The following BICC1 variants were observed in gnomAD, a reference collection of about 807,000 sequenced individuals.
BICC1 encodes protein bicaudal C homolog 1.
In BICC1, 43 loss-of-function variants were observed where a neutral mutation model predicts 111.0. That is an observed-to-expected ratio of 0.39 (90% CI 0.30 to 0.50). The LOEUF is 0.50. BICC1 is among the 20% of genes least tolerant of loss of function. BICC1 has a pLI of 0.88. For missense variants in BICC1, 1,091 were observed against 1,203.2 expected (o/e 0.91, Z 1.38); for synonymous variants, 467 against 434.4 (o/e 1.07, Z -0.93).
chr10:58,829,819 TTAGATATTA>T lies in BICC1; in HGVS notation c.*931_*939del, dbSNP rs1844507055. 2 of 152,338 alleles carry T rather than the reference TTAGATATTA, an allele frequency of 1.3e-5. No individual in the cohort carries two copies. Among genetic ancestry groups the T allele is most frequent in the Admixed American group, 1.3e-4 (2 of 15,304 alleles). The allele number at this position is 152,338 out of a possible 1,614,324, so 9.4% of individuals were successfully genotyped here. A position where few individuals can be genotyped will look rare whatever the true frequency, so the allele number is the denominator to read the frequency against. ...ATTTATTTATATCAAACTTTTATTT[TTAGATATTA>T]TAAGCATACAGTACATAATTGATGA... On this transcript the variant is annotated 3_prime_UTR_variant, in exon 21 of 21. Coordinates refer to ENST00000373886, the MANE Select transcript of BICC1 (RefSeq NM_001080512.3).
At chr10:58,586,007 A>G (rs888739899) in intron 1 of BICC1, among the ~76,000 whole-genome samples, 2 of 152,210 alleles carry the variant, frequency 1.3e-5, no homozygotes, top group African/African-American at 4.8e-5. Flanking sequence ...TCCTCCAGCT[A>G]AACTTTATCA....
At chr10:58,604,674 C>T (rs1845152156) in intron 1 of BICC1, among the ~76,000 whole-genome samples, 1 of 152,100 alleles carries the variant, frequency 6.6e-6, no homozygotes, top group African/African-American at 2.4e-5. Flanking sequence ...TAAAATTAAG[C>T]AAAGCATAAT....
chr10:58,795,910 C>A (rs1843337667), intron 9 of BICC1, among the ~76,000 whole-genome samples: 1 of 152,006 alleles, frequency 6.6e-6, no homozygotes, highest in South Asian at 2.1e-4. Context: ...TATGTAATGA[C>A]AAGATGCAAG....
chr10:58,814,017 G>T, intron 18 of BICC1, 31 bp downstream of exon 18: 1 of 1,612,286 alleles, frequency 6.2e-7, no homozygotes, highest in Non-Finnish European at 8.5e-7. Flanking sequence ...ACACTTTTAG[G>T]TATCCCCAGA....
At chr10:58,780,300 C>T (rs1226152604) in intron 3 of BICC1, among the ~76,000 whole-genome samples, 6 of 152,138 alleles carry the variant, frequency 3.9e-5, no homozygotes, top group African/African-American at 1.4e-4. Flanking sequence ...AACAGAAGTA[C>T]AACTCTGATA....
intron 3 of BICC1, among the ~76,000 whole-genome samples, chr10:58,720,500 A>C (rs1363123184): frequency 6.6e-6 from 1 of 152,240 alleles, no homozygotes; most frequent in African/African-American, 2.4e-5. Context: ...TGCAAGTCAC[A>C]GCTAAGGAAA....
intron 3 of BICC1, among the ~76,000 whole-genome samples, chr10:58,747,979 G>T (rs1343511782): frequency 6.6e-6 from 1 of 152,208 alleles, no homozygotes; most frequent in Non-Finnish European, 1.5e-5. Flanking sequence ...GGCCTACAAA[G>T]CCTAAAATAT....
intron 2 of BICC1, among the ~76,000 whole-genome samples, chr10:58,683,782 G>A (rs546715845): frequency 1.3e-4 from 20 of 152,110 alleles, no homozygotes; most frequent in Admixed American, 2.0e-4. Flanking sequence ...GGGATGAGAC[G>A]ATATGGTTTT....
intron 1 of BICC1, among the ~76,000 whole-genome samples, chr10:58,518,599 G>A (rs1186720041): frequency 7.2e-6 from 1 of 139,552 alleles, no homozygotes; most frequent in Non-Finnish European, 1.6e-5. Context: ...TTGGGGGGGG[G>A]GGGGTGTGTT....
At chr10:58,721,165 T>A (rs994550039) in intron 3 of BICC1, among the ~76,000 whole-genome samples, 1 of 152,314 alleles carries the variant, frequency 6.6e-6, no homozygotes, top group African/African-American at 2.4e-5. Flanking sequence ...TGAAGCACAT[T>A]ATTTATGTCT....
At chr10:58,766,891 C>T (rs1039638911) in intron 3 of BICC1, among the ~76,000 whole-genome samples, 1 of 151,862 alleles carries the variant, frequency 6.6e-6, no homozygotes, top group African/African-American at 2.4e-5. Flanking sequence ...TTTTTTGACC[C>T]ACCGAGAACA....
At chr10:58,816,571 C>G (rs1276568348) in intron 18 of BICC1, among the ~76,000 whole-genome samples, 1 of 152,076 alleles carries the variant, frequency 6.6e-6, no homozygotes, top group African/African-American at 2.4e-5. Flanking sequence ...CATGGATCCC[C>G]AGAGTAGACT....
intron 1 of BICC1, among the ~76,000 whole-genome samples, 192 bp downstream of exon 1, chr10:58,513,525 C>G (rs960126438): frequency 1.1e-4 from 16 of 152,224 alleles, no homozygotes; most frequent in African/African-American, 3.4e-4. Flanking sequence ...TTCCACGCCT[C>G]TCAGATTTCC....
intron 1 of BICC1, among the ~76,000 whole-genome samples, chr10:58,513,557 A>G (rs1842157149): frequency 6.6e-6 from 1 of 152,154 alleles, no homozygotes; most frequent in African/African-American, 2.4e-5. Context: ...GCCCTGTGCG[A>G]ACTTGACTGG....
At chr10:58,687,575 A>C (rs7894726) in intron 2 of BICC1, among the ~76,000 whole-genome samples, 144,109 of 152,240 alleles carry the variant, frequency 0.95, 68,751 homozygotes, top group Middle Eastern at 1. Flanking sequence ...AATGGTAGAC[A>C]CCCCTTCCCC....
At chr10:58,712,866 T>C (rs1589051034) in intron 3 of BICC1, among the ~76,000 whole-genome samples, 2 of 152,282 alleles carry the variant, frequency 1.3e-5, no homozygotes, top group Non-Finnish European at 2.9e-5. Context: ...TGCCTGCGTA[T>C]AGAAAGCAGC....
At chr10:58,578,385 C>T (rs556430340) in intron 1 of BICC1, among the ~76,000 whole-genome samples, 7 of 152,106 alleles carry the variant, frequency 4.6e-5, no homozygotes, top group South Asian at 2.1e-4. Context: ...TCTTTTCCAA[C>T]GTCGGGCCCA....
At chr10:58,698,074 T>C (rs1326338133) in intron 2 of BICC1, among the ~76,000 whole-genome samples, 1 of 152,206 alleles carries the variant, frequency 6.6e-6, no homozygotes, top group Non-Finnish European at 1.5e-5. Context: ...GATCACATCC[T>C]AAGGAAAATT....
At chr10:58,636,596 C>T (rs1378785805) in intron 2 of BICC1, among the ~76,000 whole-genome samples, 1 of 151,934 alleles carries the variant, frequency 6.6e-6, no homozygotes, top group Non-Finnish European at 1.5e-5. Context: ...TCCTCCTCCT[C>T]CTCCTTCTCC....
Sources: allele counts gnomAD v4.1 joint callset (sites outside exome capture counted in the v4.1 genomes callset), GRCh38; gene constraint gnomAD v4.1.1; transcripts MANE v1.5; gene names NCBI Gene and HGNC (gene_info 2026-07-23, HGNC 2026-07-21).